TNFRSF10B: variants seen among roughly 807,000 people sequenced by gnomAD.
TNFRSF10B encodes TNF receptor superfamily member 10b.
Under a neutral mutation model 41.4 loss-of-function variants are expected in TNFRSF10B, and 35 were observed. That is an observed-to-expected ratio of 0.85 (90% CI 0.65 to 1.12). The LOEUF (loss-of-function observed/expected upper bound fraction) is 1.12. TNFRSF10B is among the 50% of genes most tolerant of loss of function. The pLI, the probability that TNFRSF10B is intolerant of heterozygous loss-of-function variation, is 0.00. For missense variants in TNFRSF10B, 584 were observed against 552.7 expected (o/e 1.06, Z -0.57); for synonymous variants, 230 against 215.5 (o/e 1.07, Z -0.59).
Position 23,029,034 on chromosome 8 carries a change from G to A in TNFRSF10B, c.477-432C>T, listed in dbSNP as rs78882904. Among the ~76,000 whole-genome samples, 1,358 of 152,248 alleles carry A rather than the reference G, an allele frequency of 8.9e-3. 18 individuals carry two copies. The highest frequency in any genetic ancestry group is 0.03 in the African/African-American group (1,266 of 41,546). Reference sequence around the variant, plus strand: ...CCCAATCACAGCAAATACTAGGGGGGCCAGAGAAGAGCAAATTACTCTTGG... The same window carrying A: ...CCCAATCACAGCAAATACTAGGGGGACCAGAGAAGAGCAAATTACTCTTGG... On this transcript the variant is annotated intron_variant, in intron 4 of 8. Transcript: ENST00000276431.
rs1006280562 is a variant in TNFRSF10B, at chr8:23,068,658, G to A, written c.144+93C>T. On this transcript the variant is annotated intron_variant, in intron 1 of 8. Coordinates refer to ENST00000276431, the MANE Select transcript of TNFRSF10B (RefSeq NM_003842.5). ...GACATGCCCGGCCGCAGGCGACCCG[G>A]GCCACGCACCCCCGCCGTGTCCCCC... 6 of 1,495,078 alleles carry A rather than the reference G, an allele frequency of 4.0e-6. No homozygotes were observed. The African/African-American group carries it at 8.4e-5, about 21-fold the overall frequency. The allele number at this position is 1,495,078 out of a possible 1,614,324, so 92.6% of individuals were successfully genotyped here. A position where few individuals can be genotyped will look rare whatever the true frequency, so the allele number is the denominator to read the frequency against.
At chr8:23,034,711 G>C (rs1394761852) in intron 2 of TNFRSF10B, among the ~76,000 whole-genome samples, 1 of 152,360 alleles carries the variant, frequency 6.6e-6, no homozygotes, top group Middle Eastern at 3.4e-3. Flanking sequence ...GGGTGACAGA[G>C]TGATACCCTG....
At chr8:23,043,564 T>A (rs1482951863) in intron 1 of TNFRSF10B, among the ~76,000 whole-genome samples, 1 of 152,236 alleles carries the variant, frequency 6.6e-6, no homozygotes, top group Non-Finnish European at 1.5e-5. Flanking sequence ...CTCATTTAGT[T>A]CCACTATTTT....
intron 1 of TNFRSF10B, among the ~76,000 whole-genome samples, chr8:23,059,651 C>T (rs145769344): frequency 0.034 from 5,118 of 151,792 alleles, 272 homozygotes; most frequent in African/African-American, 0.11. Flanking sequence ...GGACTACAGG[C>T]GCCTGCCACC....
At chr8:23,055,405 T>C (rs972752351) in intron 1 of TNFRSF10B, among the ~76,000 whole-genome samples, 2 of 151,402 alleles carry the variant, frequency 1.3e-5, no homozygotes, top group Non-Finnish European at 2.9e-5. Flanking sequence ...ACAAGCATGA[T>C]AGAAATCATG....
chr8:23,036,663 G>C (rs1247169497), intron 2 of TNFRSF10B, among the ~76,000 whole-genome samples: 1 of 152,200 alleles, frequency 6.6e-6, no homozygotes, highest in Non-Finnish European at 1.5e-5. Context: ...TGACCAACAT[G>C]GTGAAACCTC....
At chr8:23,036,791 C>T (rs550351366) in intron 2 of TNFRSF10B, among the ~76,000 whole-genome samples, 1 of 152,130 alleles carries the variant, frequency 6.6e-6, no homozygotes, top group Non-Finnish European at 1.5e-5. Context: ...TGTAGTGAGC[C>T]GAGGTCGCCC....
rs193261746 is a variant in TNFRSF10B, at chr8:23,039,719, C to G, written c.250+3419G>C. ...CCATACACATACATGTCCTTAAGAT[C>G]GACGTCAGTGGTCACACAACGTGCA... On this transcript the variant is annotated intron_variant, in intron 2 of 8. Coordinates refer to ENST00000276431, the MANE Select transcript of TNFRSF10B (RefSeq NM_003842.5). Among the ~76,000 whole-genome samples the G allele has an allele frequency of 2.6e-5, 4 of 152,098 alleles. No homozygotes were observed. The East Asian group carries it at 7.7e-4, about 29-fold the overall frequency.
chr8:23,043,844 C>T (rs1281957401), intron 1 of TNFRSF10B, among the ~76,000 whole-genome samples: 1 of 152,198 alleles, frequency 6.6e-6, no homozygotes, highest in Non-Finnish European at 1.5e-5. Flanking sequence ...GTTGTGTGAA[C>T]ATCAGAAGAG....
Position 23,030,792 on chromosome 8 carries a change from G to A in TNFRSF10B, c.331C>T (p.Leu111Phe). 1 of 1,613,276 alleles carries A rather than the reference G, an allele frequency of 6.2e-7. No homozygotes were observed. Among genetic ancestry groups the A allele is most frequent in the Non-Finnish European group, 8.5e-7 (1 of 1,179,624 alleles). The change falls in exon 3 of 9, where the codon CTT becomes TTT. Residue 111 changes from leucine to phenylalanine, a missense_variant. Leu to Phe is a conservative substitution (Grantham distance 22). Transcript: ENST00000276431. ...QDYSTHWNDLLFCLRCTRCDS... is the reference protein window; with the variant it reads ...QDYSTHWNDLFFCLRCTRCDS... ...CACCTGGTGCAGCGCAAGCAGAAAA[G>A]GAGGTCATTCCAGTGAGTGCTATAG...
chr8:23,068,510 A>C (rs1462837882), intron 1 of TNFRSF10B: 3 of 591,596 alleles, frequency 5.1e-6, no homozygotes, highest in Non-Finnish European at 8.8e-6. Flanking sequence ...GCCCTCCCCC[A>C]CTGGATTCGG....
At chr8:23,026,882 C>T (rs1341765752) in intron 7 of TNFRSF10B, among the ~76,000 whole-genome samples, 4 of 152,176 alleles carry the variant, frequency 2.6e-5, no homozygotes, top group African/African-American at 9.7e-5. Flanking sequence ...CCCTGTGACC[C>T]CCACTCTATG....
At chr8:23,030,171 GC>G (rs1278698485) in intron 3 of TNFRSF10B, among the ~76,000 whole-genome samples, 1 of 152,126 alleles carries the variant, frequency 6.6e-6, no homozygotes, top group Non-Finnish European at 1.5e-5. Context: ...AGAGAGCCTG[GC>G]CCCAAAGCAG....
chr8:23,022,980 C>A lies in TNFRSF10B; in HGVS notation c.1014G>T (p.Leu338=). Residue 338 remains leucine (L), a synonymous_variant, in exon 9 of 9, where the codon CTG becomes CTT. Coordinates refer to ENST00000276431, the MANE Select transcript of TNFRSF10B (RefSeq NM_003842.5). The part of the protein sequence containing the change: ...PANEGDPTET[L]RQCFDDFADL... ...CTGCAAAGTCATCGAAGCACTGTCTCAGAGCTGGTGGAGAAAGCCACAGAG... is the reference window on the plus strand; with the variant it reads ...CTGCAAAGTCATCGAAGCACTGTCTAAGAGCTGGTGGAGAAAGCCACAGAG... 1 of 1,611,380 alleles carries A rather than the reference C, an allele frequency of 6.2e-7. No homozygotes were observed. The highest frequency in any genetic ancestry group is 1.1e-5 in the South Asian group (1 of 91,062).
At chr8:23,041,939 G>A (rs765352039) in intron 2 of TNFRSF10B, among the ~76,000 whole-genome samples, 51 of 152,142 alleles carry the variant, frequency 3.4e-4, no homozygotes, top group Non-Finnish European at 6.8e-4. Flanking sequence ...CTTCCAGGTG[G>A]ACACACTCAA....
intron 1 of TNFRSF10B, among the ~76,000 whole-genome samples, chr8:23,066,743 A>G (rs1812994326): frequency 6.6e-6 from 1 of 151,470 alleles, no homozygotes; most frequent in Admixed American, 6.6e-5. Flanking sequence ...TAAAAATACA[A>G]AAAGTTCGCT....
intron 2 of TNFRSF10B, among the ~76,000 whole-genome samples, chr8:23,039,739 C>T (rs533515173): frequency 6.6e-5 from 10 of 152,182 alleles, no homozygotes; most frequent in Non-Finnish European, 1.5e-4. Flanking sequence ...GGTCACACAA[C>T]GTGCAAGGAT....
At chr8:23,031,270 G>A (rs1227910179) in intron 2 of TNFRSF10B, among the ~76,000 whole-genome samples, 1 of 152,000 alleles carries the variant, frequency 6.6e-6, no homozygotes, top group Non-Finnish European at 1.5e-5. Context: ...TAGAGACAGG[G>A]TTTCACCGTA....
At chr8:23,039,677 C>T (rs539798874) in intron 2 of TNFRSF10B, among the ~76,000 whole-genome samples, 16 of 152,174 alleles carry the variant, frequency 1.1e-4, no homozygotes, top group Non-Finnish European at 1.8e-4. Flanking sequence ...AATCAACCAT[C>T]ACAAGTCAAC....
Sources: allele counts gnomAD v4.1 joint callset (sites outside exome capture counted in the v4.1 genomes callset), GRCh38; gene constraint gnomAD v4.1.1; transcripts MANE v1.5; gene names NCBI Gene and HGNC (gene_info 2026-07-23, HGNC 2026-07-21).